Variants in ERC2 observed in about 807,000 individuals in gnomAD.
The protein encoded by ERC2 is ERC protein 2.
Under a neutral mutation model 114.8 loss-of-function variants are expected in ERC2, and 42 were observed. The observed-to-expected ratio is 0.37, with a 90% confidence interval of 0.29 to 0.47. The LOEUF (loss-of-function observed/expected upper bound fraction) is 0.47, where lower values mean the gene tolerates loss of function less well. Among genes scored for constraint, ERC2 ranks in the 20% least tolerant of loss-of-function variants. The pLI is 0.99. For synonymous variants in ERC2, 454 were observed against 425.5 expected (o/e 1.07, Z -0.82); for missense variants, 939 against 1,150.7 (o/e 0.82, Z 2.66).
chr3:55,933,225 G>C (rs892773334), intron 13 of ERC2, among the ~76,000 whole-genome samples: 1 of 149,976 alleles, frequency 6.7e-6, no homozygotes, highest in Non-Finnish European at 1.5e-5. Context: ...AAAAAAAAGA[G>C]AGAGAATAAA....
chr3:55,713,537 G>T (rs549643533), intron 15 of ERC2, among the ~76,000 whole-genome samples: 1 of 152,246 alleles, frequency 6.6e-6, no homozygotes, highest in Admixed American at 6.5e-5. Context: ...ATTTTGTTTA[G>T]ACTTATACTG....
intron 3 of ERC2, among the ~76,000 whole-genome samples, chr3:56,195,124 C>T (rs532819953): frequency 3.3e-5 from 5 of 152,140 alleles, no homozygotes; most frequent in African/African-American, 1.2e-4. Context: ...TGCTCTTGGG[C>T]TTTGGGGCCA....
At chr3:55,725,889 G>C (rs886213141) in intron 15 of ERC2, among the ~76,000 whole-genome samples, 2 of 152,206 alleles carry the variant, frequency 1.3e-5, no homozygotes, top group Non-Finnish European at 2.9e-5. Flanking sequence ...TACTGGGGTT[G>C]AGGCACCAGC....
intron 14 of ERC2, among the ~76,000 whole-genome samples, chr3:55,839,574 TATA>T (rs1444043765): frequency 6.6e-6 from 1 of 151,734 alleles, no homozygotes; most frequent in Non-Finnish European, 1.5e-5. Context: ...AAAATGGAAA[TATA>T]ATAAGATTCT....
At chr3:55,690,405 C>A (rs2062579458) in intron 16 of ERC2, among the ~76,000 whole-genome samples, 2 of 152,134 alleles carry the variant, frequency 1.3e-5, no homozygotes, top group African/African-American at 4.8e-5. Flanking sequence ...GGTTGGCCAC[C>A]CCCTCTCAAT....
intron 14 of ERC2, among the ~76,000 whole-genome samples, chr3:55,821,813 G>A (rs1368406233): frequency 6.6e-6 from 1 of 152,234 alleles, no homozygotes; most frequent in Non-Finnish European, 1.5e-5. Flanking sequence ...GAGACTATCT[G>A]ATGATGGAGA....
rs546487094 is a variant in ERC2, at chr3:55,964,307, G to T, written c.2268-13747C>A. ...TTAAAAAGTTAGGGATGCAGAATTT[G>T]AACTATTGTTCTGATGATGCCAAAG... On this transcript the variant is annotated intron_variant, in intron 12 of 17. Coordinates refer to ENST00000288221, the MANE Select transcript of ERC2 (RefSeq NM_015576.3). 1.2e-4 allele frequency among the ~76,000 whole-genome samples: 19 copies of T among 152,228 alleles called. No homozygotes were observed. The South Asian group carries it at 3.7e-3, about 30-fold the overall frequency.
At chr3:55,527,233 C>T (rs753001437) in intron 17 of ERC2, among the ~76,000 whole-genome samples, 13 of 152,186 alleles carry the variant, frequency 8.5e-5, no homozygotes, top group Non-Finnish European at 1.5e-4. Flanking sequence ...TCCACTGCCC[C>T]ATCTGTCAGA....
chr3:56,331,078 G>A (rs2057589113), intron 2 of ERC2, among the ~76,000 whole-genome samples: 2 of 152,092 alleles, frequency 1.3e-5, no homozygotes, highest in African/African-American at 4.8e-5. Context: ...GACACTCCTT[G>A]GCCAAACTTT....
At chr3:56,007,591 A>C (rs1460124068) in intron 9 of ERC2, among the ~76,000 whole-genome samples, 2 of 152,114 alleles carry the variant, frequency 1.3e-5, no homozygotes, top group Non-Finnish European at 2.9e-5. Flanking sequence ...AGTCATGCTA[A>C]TGATGTAAGT....
intron 2 of ERC2, among the ~76,000 whole-genome samples, chr3:56,404,844 G>C (rs1018723311): frequency 1.3e-5 from 2 of 152,098 alleles, no homozygotes; most frequent in Admixed American, 1.3e-4. Flanking sequence ...CTATATAAGT[G>C]ATACAATCAA....
At chr3:55,997,533 T>C (rs954937982) in intron 10 of ERC2, among the ~76,000 whole-genome samples, 6 of 148,290 alleles carry the variant, frequency 4.0e-5, no homozygotes, top group African/African-American at 1.5e-4. Flanking sequence ...ATATGTTATA[T>C]ATAACATATT....
chr3:56,419,046 A>G (rs551524588), intron 2 of ERC2, among the ~76,000 whole-genome samples: 2 of 152,360 alleles, frequency 1.3e-5, no homozygotes, highest in East Asian at 3.8e-4. Flanking sequence ...TCACTGCTTC[A>G]TTCCTTATTC....
chr3:55,577,737 A>G (rs1364696966), intron 17 of ERC2, among the ~76,000 whole-genome samples: 1 of 152,180 alleles, frequency 6.6e-6, no homozygotes, highest in Admixed American at 6.5e-5. Context: ...CAGGTTCTTC[A>G]TTAAGAGATG....
intron 10 of ERC2, among the ~76,000 whole-genome samples, chr3:55,997,810 T>C (rs2071641516): frequency 1.3e-5 from 2 of 149,760 alleles, no homozygotes; most frequent in African/African-American, 4.9e-5. Flanking sequence ...CCAGGCATCA[T>C]TGCTGAGCCT....
chr3:55,708,830 G>A (rs2063617888), intron 15 of ERC2, among the ~76,000 whole-genome samples: 1 of 150,102 alleles, frequency 6.7e-6, no homozygotes, highest in African/African-American at 2.4e-5. Context: ...AAGGAAGAAA[G>A]GAGGGAGAGA....
rs138446685 is a variant in ERC2 at position 56,216,333 on chromosome 3, T to C, written c.1075-42813A>G. On this transcript the variant is annotated intron_variant, in intron 3 of 17. Coordinates refer to ENST00000288221, the MANE Select transcript of ERC2 (RefSeq NM_015576.3). ...GATATCACCACCGATCCCACAGAAA[T>C]GCAGACTACCATCAGAGAATACTAC... Among the ~76,000 whole-genome samples the C allele has an allele frequency of 3.4e-3, 511 of 152,258 alleles. 1 individual carries two copies. The highest frequency in any genetic ancestry group is 0.012 in the African/African-American group (489 of 41,542).
intron 14 of ERC2, among the ~76,000 whole-genome samples, chr3:55,770,262 G>A (rs1005106443): frequency 1.1e-4 from 17 of 152,176 alleles, no homozygotes; most frequent in African/African-American, 4.1e-4. Flanking sequence ...GGGGTCACTT[G>A]TTATCCTCCA....
intron 17 of ERC2, among the ~76,000 whole-genome samples, chr3:55,610,068 A>AC (rs2058830487): frequency 3.6e-5 from 3 of 84,068 alleles, no homozygotes. Flanking sequence ...CACAAACAAA[A>AC]AAAAAAAAAA....
Sources: allele counts gnomAD v4.1 joint callset (sites outside exome capture counted in the v4.1 genomes callset), GRCh38; gene constraint gnomAD v4.1.1; transcripts MANE v1.5; gene names NCBI Gene and HGNC (gene_info 2026-07-23, HGNC 2026-07-21).